IP6K1: variants seen among roughly 807,000 people sequenced by gnomAD.
The protein encoded by IP6K1 is ATP:1D-myo-inositol-hexakisphosphate phosphotransferase.
Under a neutral mutation model 38.3 loss-of-function variants are expected in IP6K1, and 13 were observed. That is an observed-to-expected ratio of 0.34 (90% CI 0.22 to 0.54). The LOEUF (loss-of-function observed/expected upper bound fraction) is 0.54, where lower values mean the gene tolerates loss of function less well. Ranked by LOEUF, IP6K1 falls within the 20% of genes least tolerant of loss-of-function variation. The probability of loss-of-function intolerance (pLI) is 0.92; values close to 1 mark genes in which losing one functional copy is unlikely to be tolerated. For missense variants in IP6K1, 397 were observed against 599.8 expected, an observed-to-expected ratio of 0.66 and a Z score of 3.53; for synonymous variants, 212 against 229.9, an observed-to-expected ratio of 0.92 and a Z score of 0.70.
chr3:49,757,221 T>A (rs1291549408), intron 1 of IP6K1, among the ~76,000 whole-genome samples: 1 of 152,208 alleles, frequency 6.6e-6, no homozygotes, highest in East Asian at 1.9e-4. Context: ...AAGCCTGGTC[T>A]CACACATTAG....
rs1239168167 is a variant in IP6K1, at chr3:49,727,684, G to A, written c.793-29C>T. On this transcript the variant is annotated intron_variant, in intron 5 of 5. Transcript: ENST00000321599. The surrounding 1 kb of genome is among the most constrained non-coding windows in gnomAD (Gnocchi z 5.9). ...AAACCCCAGGAGGCAGACAGGGTGA[G>A]TGCCAGGGAAGTCTGAAGAGCTCAC... The A allele has an allele frequency of 6.2e-7, 1 of 1,601,760 alleles. No homozygotes were observed. Among genetic ancestry groups the A allele is most frequent in the Non-Finnish European group, 8.5e-7 (1 of 1,172,290 alleles).
chr3:49,774,015 AC>A (rs1559715340), intron 1 of IP6K1, among the ~76,000 whole-genome samples: 6 of 146,368 alleles, frequency 4.1e-5, no homozygotes, highest in Non-Finnish European at 8.9e-5. Flanking sequence ...ACACACACAC[AC>A]ACAACACACA....
intron 1 of IP6K1, among the ~76,000 whole-genome samples, chr3:49,749,499 TAGTAG>T (rs2080753064): frequency 6.6e-6 from 1 of 152,144 alleles, no homozygotes; most frequent in African/African-American, 2.4e-5. Flanking sequence ...GAAAAAGTAT[TAGTAG>T]AGCAGGAATA....
intron 1 of IP6K1, among the ~76,000 whole-genome samples, chr3:49,772,949 C>T (rs1230005358): frequency 5.3e-5 from 8 of 151,882 alleles, no homozygotes. Flanking sequence ...TCAGCCTCCC[C>T]AGTTGCTGGA....
At chr3:49,760,623 CAAAA>C (rs56070382) in intron 1 of IP6K1, among the ~76,000 whole-genome samples, 59 of 100,342 alleles carry the variant, frequency 5.9e-4, no homozygotes, top group South Asian at 1.0e-3. Context: ...GACTTCGTCT[CAAAA>C]AAAAAAAAAA....
intron 1 of IP6K1, among the ~76,000 whole-genome samples, chr3:49,748,605 G>C (rs552196052): frequency 6.6e-6 from 1 of 152,266 alleles, no homozygotes; most frequent in African/African-American, 2.4e-5. Context: ...TCAGAGGAAG[G>C]GTTTCTGTCT....
chr3:49,756,390 C>T (rs2080822960), intron 1 of IP6K1, among the ~76,000 whole-genome samples: 1 of 152,148 alleles, frequency 6.6e-6, no homozygotes, highest in African/African-American at 2.4e-5. Flanking sequence ...TCCCTAAATA[C>T]ATTTTTTAGT....
chr3:49,758,957 AAT>A (rs869039443), intron 1 of IP6K1, among the ~76,000 whole-genome samples: 2 of 151,022 alleles, frequency 1.3e-5, no homozygotes, highest in African/African-American at 2.4e-5. Context: ...AAAAAAAAAA[AAT>A]ACCCAACAGT....
chr3:49,766,974 A>G (rs2080917584), intron 1 of IP6K1, among the ~76,000 whole-genome samples: 1 of 150,512 alleles, frequency 6.6e-6, no homozygotes, highest in Non-Finnish European at 1.5e-5. Flanking sequence ...AAAAAAAAAA[A>G]AAAAAAAAAA....
At chr3:49,746,617 G>A (rs1213801745) in intron 2 of IP6K1, among the ~76,000 whole-genome samples, 2 of 147,930 alleles carry the variant, frequency 1.4e-5, no homozygotes, top group Non-Finnish European at 3.0e-5. Flanking sequence ...GGAGGTTGCA[G>A]TAAACCAAGA....
At chr3:49,760,261 T>C (rs777938172) in intron 1 of IP6K1, among the ~76,000 whole-genome samples, 4 of 152,030 alleles carry the variant, frequency 2.6e-5, no homozygotes, top group Non-Finnish European at 5.9e-5. Flanking sequence ...AGACAACCCA[T>C]AGTTTCAGAG....
At chr3:49,744,930 T>C (rs1277726463) in intron 2 of IP6K1, among the ~76,000 whole-genome samples, 1 of 152,232 alleles carries the variant, frequency 6.6e-6, no homozygotes, top group Non-Finnish European at 1.5e-5. Flanking sequence ...TTTTCATTTA[T>C]TTAGTATGAC....
At chr3:49,749,393 T>C (rs2080752341) in intron 1 of IP6K1, among the ~76,000 whole-genome samples, 1 of 152,216 alleles carries the variant, frequency 6.6e-6, no homozygotes, top group African/African-American at 2.4e-5. Context: ...TCTCTCAAAA[T>C]ATTTAAAGTA....
At chr3:49,761,086 C>T (rs556593769) in intron 1 of IP6K1, among the ~76,000 whole-genome samples, 3 of 151,724 alleles carry the variant, frequency 2.0e-5, no homozygotes, top group East Asian at 3.9e-4. Context: ...GAGGCCGAGG[C>T]GAATGGATCA....
chr3:49,728,529 TATAACCATC>T (rs2080533256), intron 4 of IP6K1: 1 of 470,030 alleles, frequency 2.1e-6, no homozygotes, highest in East Asian at 3.7e-5. Flanking sequence ...TACTTTGTTG[TATAACCATC>T]ACAACCATCT....
rs375322351 is a variant in IP6K1 at position 49,727,477 on chromosome 3, C to T, written c.971G>A (p.Arg324Gln). ...GGAGTAGAAGCGGTAAGAGGCCTGC[C>T]GCTCCAGCACAGCTTTCAGGCCCCG... ...KLRGLKAVLERQASYRFYSSS... is the reference protein window; with the variant it reads ...KLRGLKAVLEQQASYRFYSSS... Residue 324 changes from arginine (R) to glutamine (Q), a missense_variant, in exon 6 of 6, where the codon CGG becomes CAG. Arg to Gln is a conservative substitution (Grantham distance 43). Transcript: ENST00000321599. The surrounding 1 kb of genome is among the most constrained non-coding windows in gnomAD (Gnocchi z 5.9). The T allele has an allele frequency of 1.2e-5, 19 of 1,614,028 alleles. No homozygotes were observed. Among genetic ancestry groups the T allele is most frequent in the African/African-American group, 4.0e-5 (3 of 74,896 alleles).
At chr3:49,772,006 G>A (rs1025649668) in intron 1 of IP6K1, among the ~76,000 whole-genome samples, 5 of 152,046 alleles carry the variant, frequency 3.3e-5, no homozygotes, top group Non-Finnish European at 7.4e-5. Flanking sequence ...TTGAGCCCAA[G>A]AGTTTGAGAC....
chr3:49,727,966 C>G lies in IP6K1; in HGVS notation c.792+137G>C. The G allele has an allele frequency of 2.4e-6, 2 of 830,144 alleles. No individual in the cohort carries two copies. Among genetic ancestry groups the G allele is most frequent in the Non-Finnish European group, 3.9e-6 (2 of 517,850 alleles). 51.4% of individuals were successfully genotyped at this position (830,144 alleles called of 1,614,324 possible). A position where few individuals can be genotyped will look rare whatever the true frequency, so the allele number is the denominator to read the frequency against. ...GCAGACTCTCACAGTGGTCCTGCACCTGAGGCCCATATCAAAGTCAACAGG... is the reference window on the plus strand; with the variant it reads ...GCAGACTCTCACAGTGGTCCTGCACGTGAGGCCCATATCAAAGTCAACAGG... On this transcript the variant is annotated intron_variant, in intron 5 of 5. Transcript: ENST00000321599. The surrounding 1 kb of genome is among the most constrained non-coding windows in gnomAD (Gnocchi z 5.9).
intron 3 of IP6K1, among the ~76,000 whole-genome samples, chr3:49,735,886 C>T (rs1224286849): frequency 6.6e-6 from 1 of 152,164 alleles, no homozygotes; most frequent in Non-Finnish European, 1.5e-5. Context: ...CCAATTTCAG[C>T]TTCTAAGTCA....
Sources: gnomAD v4.1 joint callset for allele counts (sites outside exome capture counted in the v4.1 genomes callset) on GRCh38, gnomAD v4.1.1 for gene constraint, Gnocchi (gnomAD v3.1) non-coding constraint, MANE v1.5 for transcripts, NCBI Gene and HGNC (gene_info 2026-07-23, HGNC 2026-07-21) for gene names.